Variants in USP47 observed in about 807,000 individuals in gnomAD.
The protein encoded by USP47 is ubiquitin carboxyl-terminal hydrolase 47.
A neutral mutation model predicts 165.1 loss-of-function variants in USP47; 35 were observed. The ratio of observed to expected loss-of-function variants is 0.21; its 90% CI spans 0.16 to 0.28. USP47 has a LOEUF of 0.28. USP47 is among the 10% of genes least tolerant of loss of function. USP47 has a pLI of 1.00. For missense variants in USP47, 1,277 were observed against 1,607.4 expected, an observed-to-expected ratio of 0.79 and a Z score of 3.52; for synonymous variants, 531 against 544.5, an observed-to-expected ratio of 0.98 and a Z score of 0.35.
At chr11:11,936,670 A>G (rs72857631) in intron 17 of USP47, among the ~76,000 whole-genome samples, 160 bp downstream of exon 17, 20,874 of 151,826 alleles carry the variant, frequency 0.14, 1,703 homozygotes, top group Middle Eastern at 0.4. Flanking sequence ...ACAGCTTGGA[A>G]TTAAGTTCTA....
chr11:11,880,845 T>G (rs1850778664), intron 2 of USP47, among the ~76,000 whole-genome samples: 1 of 152,182 alleles, frequency 6.6e-6, no homozygotes, highest in Non-Finnish European at 1.5e-5. Flanking sequence ...TATTTCTTTT[T>G]ATTTGTGTGT....
At chr11:11,855,017 C>A (rs1848952771) in intron 1 of USP47, among the ~76,000 whole-genome samples, 1 of 151,690 alleles carries the variant, frequency 6.6e-6, no homozygotes, top group Non-Finnish European at 1.5e-5. Context: ...ATGGTGTGAA[C>A]CCGGGAGGCG....
intron 1 of USP47, among the ~76,000 whole-genome samples, chr11:11,867,473 T>C (rs1849757378): frequency 6.6e-6 from 1 of 152,344 alleles, no homozygotes; most frequent in Admixed American, 6.5e-5. Flanking sequence ...TCATTAATTC[T>C]TTTTTCAAAT....
At chr11:11,941,917 T>A (rs1302334746) in intron 19 of USP47, among the ~76,000 whole-genome samples, 1 of 152,084 alleles carries the variant, frequency 6.6e-6, no homozygotes, top group Non-Finnish European at 1.5e-5. Flanking sequence ...ATTTTGGTGT[T>A]ATATTCACAA....
At chr11:11,939,064 G>A (rs1469088567) in intron 18 of USP47, among the ~76,000 whole-genome samples, 1 of 151,972 alleles carries the variant, frequency 6.6e-6, no homozygotes, top group Non-Finnish European at 1.5e-5. Context: ...ATGTGAGCTA[G>A]TGATAAAGAA....
chr11:11,948,294 C>A, intron 21 of USP47, 174 bp downstream of exon 21: 2 of 879,212 alleles, frequency 2.3e-6, no homozygotes, highest in Non-Finnish European at 3.4e-6. Context: ...ATCTAACAAA[C>A]ATTTGTGAAA....
intron 1 of USP47, among the ~76,000 whole-genome samples, chr11:11,878,912 A>G (rs149393513): frequency 1.2e-4 from 18 of 152,298 alleles, no homozygotes; most frequent in East Asian, 7.7e-4. Context: ...AATGGATAAT[A>G]TAGAAGCAAC....
At chr11:11,926,806 A>G (rs957778947) in intron 11 of USP47, among the ~76,000 whole-genome samples, 24 of 141,732 alleles carry the variant, frequency 1.7e-4, no homozygotes, top group South Asian at 6.6e-4. Context: ...TTGATTTGAG[A>G]TGTCTTCTTT....
In USP47 at chr11:11,871,529, AAAAAAAAAAG is replaced by A. The variant is rs1359237842; in HGVS notation, c.40-8645_40-8636del. On this transcript the variant is annotated intron_variant, in intron 1 of 27. Coordinates refer to ENST00000527733, the MANE Select transcript of USP47 (RefSeq NM_001282659.2). ...AAAAAAAAAAAAAAAAAAAAAAAAA[AAAAAAAAAAG>A]AATTCTGGTTGGTGGGAACCTAAGT... Among the ~76,000 whole-genome samples, 81 of 97,834 alleles carry A rather than the reference AAAAAAAAAAG, an allele frequency of 8.3e-4. 3 individuals are homozygous for A. Among genetic ancestry groups the A allele is most frequent in the Admixed American group, 1.6e-3 (17 of 10,508 alleles). The allele number at this position is 97,834 out of a possible 152,430, so 64.2% of individuals were successfully genotyped here. A position where few individuals can be genotyped will look rare whatever the true frequency, so the allele number is the denominator to read the frequency against.
chr11:11,866,987 TC>T (rs1207306398), intron 1 of USP47, among the ~76,000 whole-genome samples: 2 of 152,132 alleles, frequency 1.3e-5, no homozygotes, highest in Non-Finnish European at 2.9e-5. Context: ...AACTTCTGCC[TC>T]CCAGGTTCAA....
At chr11:11,879,478 A>C (rs889360632) in intron 1 of USP47, among the ~76,000 whole-genome samples, 2 of 152,148 alleles carry the variant, frequency 1.3e-5, no homozygotes, top group African/African-American at 4.8e-5. Context: ...GAGGGAGGGC[A>C]TAGCTTATTT....
At chr11:11,914,218 C>T (rs1409591061) in intron 8 of USP47, among the ~76,000 whole-genome samples, 8 of 151,862 alleles carry the variant, frequency 5.3e-5, no homozygotes, top group East Asian at 1.9e-4. Flanking sequence ...CAAATAGATC[C>T]GTGGAGTAGA....
intron 20 of USP47, among the ~76,000 whole-genome samples, chr11:11,945,649 C>T (rs1211729031): frequency 2.6e-5 from 4 of 151,982 alleles, no homozygotes; most frequent in Non-Finnish European, 1.5e-5. Context: ...TTAAGAAATT[C>T]GTAAGGGTCA....
At chr11:11,878,675 G>C (rs1850638172) in intron 1 of USP47, 3 of 151,388 alleles carry the variant, frequency 2.0e-5, no homozygotes, top group African/African-American at 7.3e-5. Context: ...TTAAATATTT[G>C]GATGTGTCTG....
intron 21 of USP47, 104 bp downstream of exon 21, chr11:11,948,224 A>ATT: frequency 1.2e-5 from 15 of 1,271,568 alleles, no homozygotes; most frequent in African/African-American, 6.1e-5. Flanking sequence ...AACTGGAAGG[A>ATT]TTTTTTTTTA....
At chr11:11,852,090 A>G (rs908055870) in intron 1 of USP47, among the ~76,000 whole-genome samples, 1 of 152,204 alleles carries the variant, frequency 6.6e-6, no homozygotes, top group African/African-American at 2.4e-5. Context: ...CTTTAAAAAT[A>G]AAATAGCTTT....
chr11:11,906,237 A>G (rs1261402150), intron 8 of USP47, among the ~76,000 whole-genome samples: 1 of 152,134 alleles, frequency 6.6e-6, no homozygotes, highest in East Asian at 1.9e-4. Context: ...GAAAGACTTA[A>G]GTTGATATTT....
In USP47 at chr11:11,950,400, C is replaced by A; in HGVS notation, c.3501C>A (p.Gly1167=). Residue 1167 remains glycine, a synonymous_variant, in exon 24 of 28, where the codon GGC becomes GGA. Transcript: ENST00000527733. ...GGAAAAAAACATGGAAGAATCCTGG[C>A]ACTGTCTTTTTGGATTATCATATTT... ...RLRKKTWKNP[G]TVFLDYHIYE... 1 of 1,606,742 alleles carries A rather than the reference C, an allele frequency of 6.2e-7. No individual in the cohort carries two copies. The highest frequency in any genetic ancestry group is 1.1e-5 in the South Asian group (1 of 88,938).
intron 1 of USP47, among the ~76,000 whole-genome samples, chr11:11,848,801 G>A (rs1268668862): frequency 6.6e-6 from 1 of 151,964 alleles, no homozygotes; most frequent in Non-Finnish European, 1.5e-5. Flanking sequence ...AGTAGAGATG[G>A]GGTTTCACAG....
Sources: allele counts gnomAD v4.1 joint callset (sites outside exome capture counted in the v4.1 genomes callset), GRCh38; gene constraint gnomAD v4.1.1; transcripts MANE v1.5; gene names NCBI Gene and HGNC (gene_info 2026-07-23, HGNC 2026-07-21).